The following GALNT17 variants were observed in gnomAD, a reference collection of about 807,000 sequenced individuals.
The protein encoded by GALNT17 is UDP-GalNAc:polypeptide N-acetylgalactosaminyltransferase-like 3.
A neutral mutation model predicts 63.7 loss-of-function variants in GALNT17; 29 were observed. That is an observed-to-expected ratio of 0.46 (90% CI 0.34 to 0.62). The LOEUF (loss-of-function observed/expected upper bound fraction) is 0.62. Among genes scored for constraint, GALNT17 ranks in the 20% least tolerant of loss-of-function variants. The pLI is 0.01. For missense variants in GALNT17, 603 were observed against 799.6 expected (o/e 0.75, Z 2.97); for synonymous variants, 305 against 318.3 (o/e 0.96, Z 0.45).
chr7:71,391,229 A>T (rs1285222759), intron 3 of GALNT17, among the ~76,000 whole-genome samples: 1 of 152,194 alleles, frequency 6.6e-6, no homozygotes, highest in Non-Finnish European at 1.5e-5. Flanking sequence ...AGAGAGGAGC[A>T]TGAACTGCAG....
At chr7:71,432,657 G>C (rs1786888786) in intron 5 of GALNT17, among the ~76,000 whole-genome samples, 1 of 152,146 alleles carries the variant, frequency 6.6e-6, no homozygotes, top group South Asian at 2.1e-4. Context: ...CTGAAGGTGG[G>C]AAATATGCAT....
At chr7:71,591,385 A>G (rs980451053) in intron 6 of GALNT17, among the ~76,000 whole-genome samples, 14 of 152,146 alleles carry the variant, frequency 9.2e-5, no homozygotes, top group African/African-American at 3.4e-4. Flanking sequence ...TCAAATCACA[A>G]GGAACAGCTG....
intron 1 of GALNT17, among the ~76,000 whole-genome samples, chr7:71,243,141 G>A (rs766128510): frequency 3.9e-5 from 6 of 152,212 alleles, no homozygotes; most frequent in Admixed American, 2.0e-4. Flanking sequence ...GATTTCTCAC[G>A]AGATCTGATG....
chr7:71,512,013 C>CT, intron 5 of GALNT17, among the ~76,000 whole-genome samples: 2 of 96,340 alleles, frequency 2.1e-5, no homozygotes, highest in African/African-American at 6.3e-5. Context: ...TGGGTTCCAG[C>CT]CTTTTTTTTT....
At chr7:71,153,654 G>C (rs1788174785) in intron 1 of GALNT17, among the ~76,000 whole-genome samples, 1 of 152,108 alleles carries the variant, frequency 6.6e-6, no homozygotes, top group Admixed American at 6.6e-5. Context: ...GTAATCCCTG[G>C]CACGGTAATT....
At chr7:71,331,845 A>G (rs1031020721) in intron 1 of GALNT17, among the ~76,000 whole-genome samples, 7 of 152,166 alleles carry the variant, frequency 4.6e-5, no homozygotes, top group African/African-American at 9.7e-5. Flanking sequence ...AAAAGTGAAA[A>G]ATTGCTAAAT....
intron 1 of GALNT17, among the ~76,000 whole-genome samples, chr7:71,274,482 G>A (rs1474907710): frequency 6.6e-6 from 1 of 152,092 alleles, no homozygotes; most frequent in African/African-American, 2.4e-5. Flanking sequence ...ATCTTGCTAT[G>A]TTGCCCAGGC....
chr7:71,657,517 G>C (rs1790845924), intron 6 of GALNT17, among the ~76,000 whole-genome samples: 1 of 152,136 alleles, frequency 6.6e-6, no homozygotes. Flanking sequence ...GCCCAGGGGA[G>C]CAGGTGGCCT....
chr7:71,571,493 C>A, intron 6 of GALNT17, 91 bp downstream of exon 6: 1 of 981,634 alleles, frequency 1.0e-6, no homozygotes, highest in Non-Finnish European at 1.6e-6. Context: ...AAGCTCCTTA[C>A]AGCTGATGAA....
chr7:71,316,444 AAT>A (rs1791502176), intron 1 of GALNT17, among the ~76,000 whole-genome samples: 1 of 152,072 alleles, frequency 6.6e-6, no homozygotes, highest in Non-Finnish European at 1.5e-5. Flanking sequence ...ATTGATCCAT[AAT>A]TTGGTTGTGT....
Position 71,677,237 on chromosome 7 carries a change from C to G in GALNT17, c.1431C>G (p.Val477=). 1 of 1,614,018 alleles carries G rather than the reference C, an allele frequency of 6.2e-7. No individual in the cohort carries two copies. The highest frequency in any genetic ancestry group is 8.5e-7 in the Non-Finnish European group (1 of 1,179,964). The part of the protein sequence containing the change: ...GELRNNKAKD[V]CLDQGPLENH... ...TTCGCAACAACAAGGCAAAAGACGT[C>G]TGCTTGGACCAGGGGCCGCTGGAGA... is the stretch of plus-strand genomic sequence containing the variant. Residue 477 remains valine (V), a synonymous_variant, in exon 9 of 11, where the codon GTC becomes GTG. Transcript: ENST00000333538.
chr7:71,710,997 C>A, intron 10 of GALNT17, 69 bp downstream of exon 10: 1 of 1,551,184 alleles, frequency 6.4e-7, no homozygotes, highest in Non-Finnish European at 8.7e-7. Context: ...AGAGGGGAAT[C>A]CTGCTTCCCC....
intron 5 of GALNT17, among the ~76,000 whole-genome samples, chr7:71,542,507 T>C (rs1054035991): frequency 1.3e-5 from 2 of 151,808 alleles, no homozygotes; most frequent in African/African-American, 4.8e-5. Context: ...CCTTCCTGGC[T>C]AACATGGTGA....
At chr7:71,636,476 G>T (rs1291451214) in intron 6 of GALNT17, among the ~76,000 whole-genome samples, 2 of 152,202 alleles carry the variant, frequency 1.3e-5, no homozygotes, top group African/African-American at 4.8e-5. Context: ...TTCAGGTGGA[G>T]GCAAACTGGT....
At chr7:71,141,928 G>C (rs1787902061) in intron 1 of GALNT17, among the ~76,000 whole-genome samples, 1 of 144,614 alleles carries the variant, frequency 6.9e-6, no homozygotes, top group African/African-American at 2.6e-5. Context: ...TGACCAGCCT[G>C]GTCTTGAACT....
At chr7:71,484,901 C>T (rs1787884650) in intron 5 of GALNT17, among the ~76,000 whole-genome samples, 1 of 143,522 alleles carries the variant, frequency 7.0e-6, no homozygotes, top group African/African-American at 2.6e-5. Context: ...TGGGTTCAAG[C>T]AGTTCTCCTA....
At chr7:71,496,270 C>A (rs1788092506) in intron 5 of GALNT17, among the ~76,000 whole-genome samples, 1 of 152,056 alleles carries the variant, frequency 6.6e-6, no homozygotes, top group Non-Finnish European at 1.5e-5. Context: ...GCAGAAGGGG[C>A]CAGCAGCTGG....
chr7:71,159,657 A>G (rs190104361), intron 1 of GALNT17, among the ~76,000 whole-genome samples: 1 of 148,440 alleles, frequency 6.7e-6, no homozygotes, highest in East Asian at 2.0e-4. Flanking sequence ...GGGCAGACCT[A>G]CTAGATAAAG....
intron 5 of GALNT17, among the ~76,000 whole-genome samples, chr7:71,460,426 G>A (rs936576460): frequency 2.0e-5 from 3 of 152,174 alleles, no homozygotes; most frequent in Non-Finnish European, 4.4e-5. Context: ...AGTCATTTTT[G>A]TGGTCACTGC....
Sources: gnomAD v4.1 joint callset for allele counts (sites outside exome capture counted in the v4.1 genomes callset) on GRCh38, gnomAD v4.1.1 for gene constraint, MANE v1.5 for transcripts, NCBI Gene and HGNC (gene_info 2026-07-23, HGNC 2026-07-21) for gene names.